The following ARPP21 variants were observed in gnomAD, a reference collection of about 807,000 sequenced individuals.
ARPP21 encodes cAMP regulated phosphoprotein 21.
Under a neutral mutation model 113.2 loss-of-function variants are expected in ARPP21, and 69 were observed. The observed-to-expected ratio is 0.61, with a 90% CI of 0.50 to 0.74. The LOEUF (loss-of-function observed/expected upper bound fraction) is 0.74. ARPP21 is among the 30% of genes least tolerant of loss of function. ARPP21 has a pLI of 0.00. For synonymous variants in ARPP21, 368 were observed against 375.5 expected (o/e 0.98, Z 0.23); for missense variants, 1,070 against 1,037.4 (o/e 1.03, Z -0.43).
At chr3:35,703,643 GA>G (rs962448849) in intron 9 of ARPP21, among the ~76,000 whole-genome samples, 15 of 146,722 alleles carry the variant, frequency 1.0e-4, no homozygotes, top group Admixed American at 2.7e-4. Context: ...AAATCTACCA[GA>G]AAAAAAAAAG....
At chr3:35,667,961 A>G (rs1169889310) in intron 1 of ARPP21, among the ~76,000 whole-genome samples, 5 of 61,772 alleles carry the variant, frequency 8.1e-5, no homozygotes, top group African/African-American at 3.1e-4. Context: ...GAAGAAGAAG[A>G]AGAAGAAGAA....
intron 19 of ARPP21, among the ~76,000 whole-genome samples, chr3:35,755,005 T>C (rs2095526024): frequency 1.3e-5 from 2 of 152,004 alleles, no homozygotes; most frequent in Admixed American, 1.3e-4. Context: ...AGCATACACA[T>C]ATATGTTATT....
chr3:35,792,189 G>A (rs1000468706), intron 19 of ARPP21, 193 bp from the exon 20 acceptor site: 4 of 593,388 alleles, frequency 6.7e-6, no homozygotes, highest in Non-Finnish European at 1.2e-5. Context: ...AATTTTTAAA[G>A]CCATAATCTT....
intron 11 of ARPP21, 192 bp from the exon 12 acceptor site, chr3:35,715,246 CT>C (rs1305877842): frequency 3.6e-6 from 2 of 551,588 alleles, no homozygotes; most frequent in Non-Finnish European, 6.5e-6. Flanking sequence ...GAAAAATACC[CT>C]ATGCTGCATG....
In ARPP21 at chr3:35,763,724, G is replaced by T. The variant is rs149860707; in HGVS notation, c.2137+19759G>T. Among the ~76,000 whole-genome samples the T allele has an allele frequency of 1.3e-4, 20 of 152,250 alleles. No homozygotes were observed. The East Asian group carries it at 3.9e-3, about 29-fold the overall frequency. On this transcript the variant is annotated intron_variant, in intron 19 of 20. Transcript: ENST00000684406. ...CTTTAGCGGCAGTTTAGATGTCTGG[G>T]TAGGGCCATCCTACAGTACCAGTAT...
At chr3:35,781,475 G>A (rs2096526486) in intron 19 of ARPP21, 2 of 152,160 alleles carry the variant, frequency 1.3e-5, no homozygotes, top group South Asian at 4.1e-4. Flanking sequence ...TCTGATTTAA[G>A]TGTTGACCAT....
At chr3:35,729,561 G>A in intron 15 of ARPP21, 25 bp downstream of exon 15, 1 of 1,560,988 alleles carries the variant, frequency 6.4e-7, no homozygotes, top group Non-Finnish European at 8.8e-7. Flanking sequence ...GCTTTATCAG[G>A]GACACAAGGC....
rs190413660 is a variant in ARPP21 at position 35,683,601 on chromosome 3, A to G, written c.172-125A>G. 4.6e-6 allele frequency: 3 copies of G among 657,538 alleles called. No homozygotes were observed. The East Asian group carries it at 8.2e-5, about 18-fold the overall frequency. The allele number at this position is 657,538 out of a possible 1,614,324, so 40.7% of individuals were successfully genotyped here. On this transcript the variant is annotated intron_variant, in intron 4 of 20. Coordinates refer to ENST00000684406, the MANE Select transcript of ARPP21 (RefSeq NM_001385562.1). Reference sequence around the variant, plus strand: ...AGACAGTACTGATTGGCAGACTTGAAGTTTGGTTTTAAAAATCTCATTTGG... The same window carrying G: ...AGACAGTACTGATTGGCAGACTTGAGGTTTGGTTTTAAAAATCTCATTTGG...
At chr3:35,690,801 TA>T (rs2082031996) in intron 8 of ARPP21, 63 bp from the exon 9 acceptor site, 8 of 1,472,210 alleles carry the variant, frequency 5.4e-6, no homozygotes, top group Non-Finnish European at 7.4e-6. Context: ...TGTATACTTG[TA>T]AAAAGGTATT....
intron 19 of ARPP21, among the ~76,000 whole-genome samples, chr3:35,760,896 G>T (rs1014282903): frequency 2.0e-5 from 3 of 152,048 alleles, no homozygotes; most frequent in Non-Finnish European, 2.9e-5. Context: ...ATTTCTGAGG[G>T]CTGGGCACCA....
chr3:35,771,618 C>T (rs1282116521), intron 19 of ARPP21, among the ~76,000 whole-genome samples: 7 of 152,108 alleles, frequency 4.6e-5, no homozygotes, highest in Admixed American at 2.6e-4. Flanking sequence ...CATGAGCCAC[C>T]GTGCCTGGAC....
chr3:35,731,229 G>A (rs945602025), intron 15 of ARPP21, among the ~76,000 whole-genome samples: 3 of 152,126 alleles, frequency 2.0e-5, no homozygotes, highest in Admixed American at 2.0e-4. Context: ...TGTAATGACA[G>A]CATAGTTGTG....
intron 19 of ARPP21, among the ~76,000 whole-genome samples, chr3:35,762,527 T>A (rs951477786): frequency 1.3e-5 from 2 of 152,074 alleles, no homozygotes; most frequent in Non-Finnish European, 2.9e-5. Context: ...ATCTACTTAT[T>A]TCTGATAAAT....
rs554191476 is a variant in ARPP21, at chr3:35,728,743, A to G, written c.1226-560A>G. Among the ~76,000 whole-genome samples the G allele has an allele frequency of 6.6e-5, 10 of 152,238 alleles. No homozygotes were observed. The South Asian group carries it at 1.2e-3, about 19-fold the overall frequency. On this transcript the variant is annotated intron_variant, in intron 14 of 20. Transcript: ENST00000684406. ...TGAAATGTGTTTGCTCATATACACTATGATCCCAGGTCTTCTACTCACACA... is the reference window on the plus strand; with the variant it reads ...TGAAATGTGTTTGCTCATATACACTGTGATCCCAGGTCTTCTACTCACACA...
Position 35,743,984 on chromosome 3 carries a change from C to T in ARPP21, c.2137+19C>T. 6.2e-7 allele frequency: 1 copy of T among 1,613,848 alleles called. No homozygotes were observed. The highest frequency in any genetic ancestry group is 8.5e-7 in the Non-Finnish European group (1 of 1,179,842). The stretch of plus-strand genomic sequence containing the variant: ...CAAGCAGGTACTTGGAATCTGTTTC[C>T]CATTTGCTTCTCAACCCAGTTATTT... On this transcript the variant is annotated intron_variant, in intron 19 of 20. Transcript: ENST00000684406.
In ARPP21 at chr3:35,695,074, C is replaced by T. The variant is rs188894281; in HGVS notation, c.686+4069C>T. 8.3e-4 allele frequency among the ~76,000 whole-genome samples: 125 copies of T among 151,078 alleles called. No individual in the cohort carries two copies. In the Middle Eastern group the frequency reaches 0.014, roughly 16 times the overall value. ...AAAAGCCATATTTATTAATTATGTT[C>T]GTAAGAGGGGGTGAACCTCTTCATT... On this transcript the variant is annotated intron_variant, in intron 9 of 20. Coordinates refer to ENST00000684406, the MANE Select transcript of ARPP21 (RefSeq NM_001385562.1).
chr3:35,735,165 G>A (rs533142299), intron 15 of ARPP21, among the ~76,000 whole-genome samples: 14 of 152,122 alleles, frequency 9.2e-5, no homozygotes, highest in African/African-American at 2.7e-4. Context: ...TGTCACCCAG[G>A]CTGGAGTGCA....
chr3:35,768,555 T>C (rs1249262503), intron 19 of ARPP21, among the ~76,000 whole-genome samples: 2 of 152,206 alleles, frequency 1.3e-5, no homozygotes, highest in African/African-American at 4.8e-5. Flanking sequence ...GTAGTGTGTC[T>C]TTGAAGAAAA....
intron 1 of ARPP21, among the ~76,000 whole-genome samples, chr3:35,660,516 G>A (rs566027168): frequency 3.3e-5 from 5 of 152,226 alleles, no homozygotes; most frequent in South Asian, 2.1e-4. Flanking sequence ...CTTTGCCCTC[G>A]AAATCTCTTC....
Sources: allele counts gnomAD v4.1 joint callset (sites outside exome capture counted in the v4.1 genomes callset), GRCh38; gene constraint gnomAD v4.1.1; transcripts MANE v1.5; gene names NCBI Gene and HGNC (gene_info 2026-07-23, HGNC 2026-07-21).